Variants in SPAG16 observed in about 807,000 individuals in gnomAD.
The protein encoded by SPAG16 is sperm-associated antigen 16 protein.
Under a neutral mutation model 80.4 loss-of-function variants are expected in SPAG16, and 86 were observed. The observed-to-expected ratio is 1.07, with a 90% CI of 0.90 to 1.28. The LOEUF (loss-of-function observed/expected upper bound fraction) is 1.28. Ranked by LOEUF, SPAG16 falls within the 50% of genes most tolerant of loss-of-function variation. SPAG16 has a pLI of 0.00. For synonymous variants in SPAG16, 294 were observed against 265.9 expected, an observed-to-expected ratio of 1.11 and a Z score of -1.03; for missense variants, 870 against 765.3, an observed-to-expected ratio of 1.14 and a Z score of -1.61.
chr2:213,733,105 A>C (rs1363287893), intron 10 of SPAG16, among the ~76,000 whole-genome samples: 1 of 152,030 alleles, frequency 6.6e-6, no homozygotes, highest in Non-Finnish European at 1.5e-5. Context: ...TGTGGTTTTG[A>C]TTTACATTTC....
intron 10 of SPAG16, among the ~76,000 whole-genome samples, chr2:213,745,064 T>C (rs1486409069): frequency 6.6e-6 from 1 of 152,242 alleles, no homozygotes; most frequent in African/African-American, 2.4e-5. Context: ...CCAAAACTGT[T>C]ATGGTTTCAC....
chr2:214,172,263 A>G (rs182086696), intron 15 of SPAG16, among the ~76,000 whole-genome samples: 2 of 151,840 alleles, frequency 1.3e-5, no homozygotes, highest in Admixed American at 1.3e-4. Flanking sequence ...ACCCCACAAC[A>G]GTCCCCAGAG....
intron 8 of SPAG16, 93 bp from the exon 9 acceptor site, chr2:213,374,917 A>G (rs2066810327): frequency 5.1e-6 from 4 of 783,216 alleles, no homozygotes; most frequent in Admixed American, 3.1e-5. Flanking sequence ...AAATACATGC[A>G]TCATTGAGGT....
chr2:213,290,632 A>G (rs949188763), intron 1 of SPAG16, among the ~76,000 whole-genome samples: 3 of 152,220 alleles, frequency 2.0e-5, no homozygotes, highest in East Asian at 1.9e-4. Flanking sequence ...GATTTAGGCC[A>G]GAATGCTAGC....
At chr2:214,022,158 C>T (rs2047903996) in intron 13 of SPAG16, among the ~76,000 whole-genome samples, 1 of 152,024 alleles carries the variant, frequency 6.6e-6, no homozygotes, top group African/African-American at 2.4e-5. Flanking sequence ...CATAAAAAGA[C>T]AAGCCTTACC....
At chr2:214,094,971 A>AG (rs143406177) in intron 13 of SPAG16, among the ~76,000 whole-genome samples, 2,858 of 151,910 alleles carry the variant, frequency 0.019, 94 homozygotes, top group African/African-American at 0.066. Context: ...GGACTTGGGG[A>AG]GGGGCTGCAT....
chr2:213,577,215 A>T (rs10932487), intron 10 of SPAG16, among the ~76,000 whole-genome samples: 63 of 152,312 alleles, frequency 4.1e-4, no homozygotes, highest in Non-Finnish European at 6.6e-4. Context: ...AAATTTAAAA[A>T]GAAAATATTC....
intron 12 of SPAG16, among the ~76,000 whole-genome samples, chr2:214,009,521 A>G (rs578033114): frequency 5.0e-4 from 76 of 152,326 alleles, no homozygotes; most frequent in Admixed American, 4.3e-3. Flanking sequence ...ACTTTATCAC[A>G]GTTGGAAGCA....
At chr2:213,818,297 A>G (rs1425753007) in intron 10 of SPAG16, among the ~76,000 whole-genome samples, 1 of 152,206 alleles carries the variant, frequency 6.6e-6, no homozygotes, top group African/African-American at 2.4e-5. Context: ...CATTGTTCAC[A>G]GTAAAGTTCC....
intron 10 of SPAG16, among the ~76,000 whole-genome samples, chr2:213,790,249 G>A (rs1016114401): frequency 7.2e-5 from 11 of 151,790 alleles, no homozygotes; most frequent in African/African-American, 2.4e-4. Flanking sequence ...CTCCACGATA[G>A]TTTCCAAAAT....
chr2:214,239,348 G>T (rs1576572230), intron 15 of SPAG16: 1 of 152,124 alleles, frequency 6.6e-6, no homozygotes, highest in East Asian at 1.9e-4. Flanking sequence ...ACAGTTTAGT[G>T]GTATTAATTA....
intron 15 of SPAG16, among the ~76,000 whole-genome samples, chr2:214,354,607 GAT>G (rs1698651577): frequency 6.6e-6 from 1 of 151,998 alleles, no homozygotes; most frequent in South Asian, 2.1e-4. Context: ...CCATTTTCAC[GAT>G]ATTGATTCTT....
At chr2:213,768,207 G>T (rs1186092135) in intron 10 of SPAG16, among the ~76,000 whole-genome samples, 4 of 152,134 alleles carry the variant, frequency 2.6e-5, no homozygotes. Flanking sequence ...AGTATTGGGG[G>T]TAAAGGACTG....
chr2:214,130,582 G>A (rs1331083955), intron 14 of SPAG16, among the ~76,000 whole-genome samples: 2 of 152,060 alleles, frequency 1.3e-5, no homozygotes, highest in Non-Finnish European at 2.9e-5. Flanking sequence ...ATATCTCTTT[G>A]GTTTTATTTC....
rs115125383 is a variant in SPAG16 at position 213,883,900 on chromosome 2, C to T, written c.1214+21272C>T. On this transcript the variant is annotated intron_variant, in intron 11 of 15. Transcript: ENST00000331683. The stretch of plus-strand genomic sequence containing the variant: ...TGTCCATTTACTTTGAGCCTGAGTC[C>T]TTACATGTGTGATATATCTCTTGAA... Among the ~76,000 whole-genome samples, 1,156 of 152,214 alleles carry T rather than the reference C, an allele frequency of 7.6e-3. 11 individuals are homozygous for T. The highest frequency in any genetic ancestry group is 0.026 in the African/African-American group (1,081 of 41,538).
At chr2:213,555,411 G>A (rs983137615) in intron 10 of SPAG16, among the ~76,000 whole-genome samples, 8 of 152,144 alleles carry the variant, frequency 5.3e-5, no homozygotes, top group Admixed American at 3.9e-4. Flanking sequence ...ATAAGTGTCT[G>A]GCATTTCCCC....
At chr2:213,986,107 G>A (rs1349128609) in intron 12 of SPAG16, among the ~76,000 whole-genome samples, 1 of 152,040 alleles carries the variant, frequency 6.6e-6, no homozygotes, top group Non-Finnish European at 1.5e-5. Flanking sequence ...GTATTCCTAT[G>A]GGAATACAGA....
At chr2:213,860,912 T>G (rs2105944764) in intron 10 of SPAG16, among the ~76,000 whole-genome samples, 1 of 152,300 alleles carries the variant, frequency 6.6e-6, no homozygotes, top group East Asian at 1.9e-4. Flanking sequence ...TGCCTTCTTG[T>G]GTGTATTTGA....
chr2:214,217,486 A>T (rs1488166353), intron 15 of SPAG16, among the ~76,000 whole-genome samples: 1 of 152,194 alleles, frequency 6.6e-6, no homozygotes, highest in Non-Finnish European at 1.5e-5. Context: ...CAAAAGTAAG[A>T]TCCCTATCAG....
Sources: gnomAD v4.1 joint callset for allele counts (sites outside exome capture counted in the v4.1 genomes callset) on GRCh38, gnomAD v4.1.1 for gene constraint, MANE v1.5 for transcripts, NCBI Gene and HGNC (gene_info 2026-07-23, HGNC 2026-07-21) for gene names.